CTNNA2: variants seen among roughly 807,000 people sequenced by gnomAD.
CTNNA2 encodes the protein catenin alpha 2, also known as catenin alpha-2.
Under a neutral mutation model 101.0 loss-of-function variants are expected in CTNNA2, and 42 were observed. The observed-to-expected ratio is 0.42, with a 90% CI of 0.32 to 0.54. The LOEUF is 0.54. Among genes scored for constraint, CTNNA2 ranks in the 20% least tolerant of loss-of-function variants. The pLI, the probability that CTNNA2 is intolerant of heterozygous loss-of-function variation, is 0.14. For synonymous variants in CTNNA2, 450 were observed against 456.4 expected, an observed-to-expected ratio of 0.99 and a Z score of 0.18; for missense variants, 871 against 1,223.1, an observed-to-expected ratio of 0.71 and a Z score of 4.29.
At chr2:79,347,570 G>A (rs1000553982) in intron 3 of CTNNA2, among the ~76,000 whole-genome samples, 11 of 151,878 alleles carry the variant, frequency 7.2e-5, no homozygotes, top group Non-Finnish European at 1.0e-4. Flanking sequence ...CCGAACCTGC[G>A]AAAACTCACT....
At chr2:79,258,095 C>T (rs1674872390) in intron 2 of CTNNA2, among the ~76,000 whole-genome samples, 1 of 152,180 alleles carries the variant, frequency 6.6e-6, no homozygotes, top group Non-Finnish European at 1.5e-5. Context: ...TTAACTTCAC[C>T]TGTATAGCAA....
At chr2:80,417,087 T>G (rs1034439291) in intron 8 of CTNNA2, among the ~76,000 whole-genome samples, 6 of 151,986 alleles carry the variant, frequency 3.9e-5, no homozygotes, top group Non-Finnish European at 8.8e-5. Flanking sequence ...CGGGTCAGTC[T>G]TCTCAGGTAC....
At chr2:79,443,273 T>TG (rs1678796376) in intron 4 of CTNNA2, among the ~76,000 whole-genome samples, 1 of 152,090 alleles carries the variant, frequency 6.6e-6, no homozygotes, top group Admixed American at 6.6e-5. Flanking sequence ...CTGAGAACCA[T>TG]GGGAGTCTAT....
intron 7 of CTNNA2, among the ~76,000 whole-genome samples, chr2:79,913,752 T>C (rs1685976808): frequency 6.6e-6 from 1 of 152,216 alleles, no homozygotes; most frequent in Non-Finnish European, 1.5e-5. Flanking sequence ...ATAAAATCAA[T>C]ATTTGCATTT....
At chr2:79,966,533 G>A (rs930871040) in intron 7 of CTNNA2, among the ~76,000 whole-genome samples, 3 of 152,160 alleles carry the variant, frequency 2.0e-5, no homozygotes, top group Admixed American at 6.5e-5. Context: ...TCTGTGCCTG[G>A]CCTGTAACTG....
At chr2:79,730,888 C>CA (rs952749302) in intron 2 of CTNNA2, among the ~76,000 whole-genome samples, 35 of 150,974 alleles carry the variant, frequency 2.3e-4, no homozygotes, top group African/African-American at 6.5e-4. Flanking sequence ...GTGGTTACTA[C>CA]AAAAAAAATG....
intron 3 of CTNNA2, among the ~76,000 whole-genome samples, chr2:79,763,385 C>G (rs375556996): frequency 3.9e-5 from 6 of 152,174 alleles, no homozygotes; most frequent in Admixed American, 2.6e-4. Context: ...TGATCCACAG[C>G]TTCTTTCTGT....
intron 4 of CTNNA2, among the ~76,000 whole-genome samples, chr2:79,412,729 G>A (rs1678429952): frequency 6.6e-6 from 1 of 152,064 alleles, no homozygotes; most frequent in Admixed American, 6.6e-5. Context: ...CAGAATCTCT[G>A]GGACACATTC....
intron 9 of CTNNA2, among the ~76,000 whole-genome samples, chr2:80,457,788 T>C (rs1237890603): frequency 6.6e-6 from 1 of 152,206 alleles, no homozygotes; most frequent in Non-Finnish European, 1.5e-5. Context: ...ATTTTAATGC[T>C]CCTCCTCCTT....
At chr2:80,620,949 T>G (rs184110266) in intron 18 of CTNNA2, among the ~76,000 whole-genome samples, 1 of 152,128 alleles carries the variant, frequency 6.6e-6, no homozygotes, top group Admixed American at 6.6e-5. Flanking sequence ...TTCATGTGCA[T>G]GTTTCATTTA....
chr2:80,400,980 C>T (rs1046384832), intron 8 of CTNNA2, among the ~76,000 whole-genome samples: 13 of 152,226 alleles, frequency 8.5e-5, no homozygotes, highest in African/African-American at 2.9e-4. Flanking sequence ...ACTCCCACCA[C>T]CCTTTTTGTT....
chr2:80,619,655 C>T (rs1308182553), intron 18 of CTNNA2, among the ~76,000 whole-genome samples: 5 of 151,868 alleles, frequency 3.3e-5, no homozygotes, highest in African/African-American at 1.2e-4. Context: ...CCTTCTAAAA[C>T]TGTGGAGGTT....
At chr2:80,466,071 G>A (rs1226440461) in intron 9 of CTNNA2, among the ~76,000 whole-genome samples, 1 of 152,074 alleles carries the variant, frequency 6.6e-6, no homozygotes, top group African/African-American at 2.4e-5. Context: ...TTTCTTCCAA[G>A]AATAGAATGA....
intron 3 of CTNNA2, among the ~76,000 whole-genome samples, chr2:79,827,808 T>A (rs1219336387): frequency 6.6e-6 from 1 of 152,214 alleles, no homozygotes; most frequent in East Asian, 1.9e-4. Context: ...GTGATTTTTA[T>A]TATCACACTG....
intron 2 of CTNNA2, among the ~76,000 whole-genome samples, chr2:79,298,649 T>C (rs1676037878): frequency 1.3e-5 from 2 of 152,186 alleles, no homozygotes; most frequent in African/African-American, 2.4e-5. Flanking sequence ...TCTATATACA[T>C]AATCCCTCTT....
At chr2:79,552,154 A>G (rs1442713410) in intron 1 of CTNNA2, among the ~76,000 whole-genome samples, 1 of 152,182 alleles carries the variant, frequency 6.6e-6, no homozygotes, top group Non-Finnish European at 1.5e-5. Context: ...TACTTCCAAG[A>G]TACAATGTGG....
At chr2:79,826,574 G>A (rs1056016395) in intron 3 of CTNNA2, among the ~76,000 whole-genome samples, 1 of 152,192 alleles carries the variant, frequency 6.6e-6, no homozygotes, top group Non-Finnish European at 1.5e-5. Flanking sequence ...TGTCTTCTGG[G>A]ATCTAGCAAG....
rs551861173 is a variant in CTNNA2, at chr2:80,476,268, A to G, written c.1290+56667A>G. Among the ~76,000 whole-genome samples, 25 of 152,290 alleles carry G rather than the reference A, an allele frequency of 1.6e-4. No individual in the cohort carries two copies. The South Asian group carries it at 5.2e-3, about 32-fold the overall frequency. On this transcript the variant is annotated intron_variant, in intron 9 of 18. Transcript: ENST00000402739. ...CTCTCGGGGACACTCTCTCATGTTC[A>G]TGTCAATTAGGACAGATTTTGTTGA... is the stretch of plus-strand genomic sequence containing the variant.
At chr2:79,372,234 G>A (rs1677888738) in intron 3 of CTNNA2, among the ~76,000 whole-genome samples, 2 of 152,094 alleles carry the variant, frequency 1.3e-5, no homozygotes, top group South Asian at 4.1e-4. Flanking sequence ...GTACAAAATA[G>A]CACTGCACCC....
Sources: allele counts gnomAD v4.1 joint callset (sites outside exome capture counted in the v4.1 genomes callset), GRCh38; gene constraint gnomAD v4.1.1; transcripts MANE v1.5; gene names NCBI Gene and HGNC (gene_info 2026-07-23, HGNC 2026-07-21).